ASPA: variants seen among roughly 807,000 people sequenced by gnomAD.
The protein encoded by ASPA is aspartoacylase.
Under a neutral mutation model 29.6 loss-of-function variants are expected in ASPA, and 25 were observed. The ratio of observed to expected loss-of-function variants is 0.85; its 90% CI spans 0.62 to 1.18. ASPA has a LOEUF of 1.18. Among genes scored for constraint, ASPA ranks in the 50% most tolerant of loss-of-function variants. The probability of loss-of-function intolerance (pLI) is 0.00; values close to 1 mark genes in which losing one functional copy is unlikely to be tolerated. For synonymous variants in ASPA, 131 were observed against 130.3 expected, an observed-to-expected ratio of 1.01 and a Z score of -0.04; for missense variants, 333 against 385.7, an observed-to-expected ratio of 0.86 and a Z score of 1.14.
intron 5 of ASPA, 107 bp from the exon 6 acceptor site, chr17:3,498,784 T>C: frequency 8.7e-7 from 1 of 1,150,818 alleles, no homozygotes. Context: ...AAGTATCTCT[T>C]TTAAAACAAC....
intron 4 of ASPA, among the ~76,000 whole-genome samples, chr17:3,491,621 G>A (rs532356469): frequency 1.3e-5 from 2 of 152,030 alleles, no homozygotes; most frequent in Admixed American, 6.6e-5. Context: ...GGTGGCATGC[G>A]CCTATAATTC....
chr17:3,489,203 A>T, intron 3 of ASPA, 32 bp from the exon 4 acceptor site: 2 of 1,269,448 alleles, frequency 1.6e-6, no homozygotes, highest in Non-Finnish European at 2.3e-6. Flanking sequence ...TCATACTTAT[A>T]TAAATGTGAC....
intron 2 of ASPA, among the ~76,000 whole-genome samples, chr17:3,483,052 T>C (rs1178580530): frequency 6.7e-6 from 1 of 150,284 alleles, no homozygotes; most frequent in Non-Finnish European, 1.5e-5. Flanking sequence ...GAGGCCTGTC[T>C]TCAATTTTCA....
chr17:3,496,002 G>C (rs370922681), intron 5 of ASPA, among the ~76,000 whole-genome samples: 5 of 152,200 alleles, frequency 3.3e-5, no homozygotes, highest in African/African-American at 1.2e-4. Flanking sequence ...GGATTTTTCA[G>C]GTTTTAGGAT....
rs139449496 is a variant in ASPA, at chr17:3,483,203, A to G, written c.433-296A>G. ...TGATGAAACAAAAATCACCACATCC[A>G]TTAAGAAAGAACATTTATTTCATGT... On this transcript the variant is annotated intron_variant, in intron 2 of 5. Coordinates refer to ENST00000263080, the MANE Select transcript of ASPA (RefSeq NM_000049.4). Among the ~76,000 whole-genome samples the G allele has an allele frequency of 3.6e-3, 551 of 152,246 alleles. 5 individuals are homozygous for G. The highest frequency in any genetic ancestry group is 0.012 in the African/African-American group (503 of 41,552).
At chr17:3,497,246 G>C (rs1478577861) in intron 5 of ASPA, among the ~76,000 whole-genome samples, 1 of 152,128 alleles carries the variant, frequency 6.6e-6, no homozygotes, top group South Asian at 2.1e-4. Flanking sequence ...GTGTTGAAGA[G>C]GTTCCTTTAG....
At chr17:3,493,575 A>AAT (rs1328956421) in intron 4 of ASPA, among the ~76,000 whole-genome samples, 1 of 151,104 alleles carries the variant, frequency 6.6e-6, no homozygotes, top group Non-Finnish European at 1.5e-5. Flanking sequence ...AAAAAAAAAA[A>AAT]AAAAAAAAGG....
rs548128517 is a variant in ASPA, at chr17:3,478,080, G to T, written c.236+1685G>T. Among the ~76,000 whole-genome samples the T allele has an allele frequency of 2.0e-5, 3 of 152,224 alleles. No individual in the cohort carries two copies. In the South Asian group the frequency reaches 6.2e-4, roughly 32 times the overall value. On this transcript the variant is annotated intron_variant, in intron 1 of 5. Coordinates refer to ENST00000263080, the MANE Select transcript of ASPA (RefSeq NM_000049.4). ...GGCACCTGTAGTCCCAGCTATTCGGGAGACTGAGGCAGGAGAATGGCGTGA... is the reference window on the plus strand; with the variant it reads ...GGCACCTGTAGTCCCAGCTATTCGGTAGACTGAGGCAGGAGAATGGCGTGA...
chr17:3,496,056 G>A (rs1036035781), intron 5 of ASPA, among the ~76,000 whole-genome samples: 1 of 152,232 alleles, frequency 6.6e-6, no homozygotes, highest in African/African-American at 2.4e-5. Flanking sequence ...ACGGAGAAGT[G>A]AGATGAATGA....
chr17:3,477,498 G>A (rs1254067567), intron 1 of ASPA, among the ~76,000 whole-genome samples: 1 of 152,082 alleles, frequency 6.6e-6, no homozygotes, highest in Non-Finnish European at 1.5e-5. Flanking sequence ...TTGTTGCCCA[G>A]TCTGGAGTGC....
chr17:3,477,161 AT>A (rs2073539248), intron 1 of ASPA, among the ~76,000 whole-genome samples: 1 of 152,136 alleles, frequency 6.6e-6, no homozygotes, highest in African/African-American at 2.4e-5. Context: ...TCTCAAAAAA[AT>A]AAATAAATAA....
At position 3,488,598 on chromosome 17, in the gene ASPA, A is replaced by G. The variant is rs1287927615; in HGVS notation, c.527-637A>G. ...CTTGAACCTGGGAGGCAGAGGTTGC[A>G]GTGAGCAGAAATCACACCACTGTAC... On this transcript the variant is annotated intron_variant, in intron 3 of 5. Coordinates refer to ENST00000263080, the MANE Select transcript of ASPA (RefSeq NM_000049.4). The surrounding 1 kb of genome is among the most constrained non-coding windows in gnomAD (Gnocchi z 6.1). Among the ~76,000 whole-genome samples, 1 of 152,212 alleles carries G rather than the reference A, an allele frequency of 6.6e-6. No homozygotes were observed. The highest frequency in any genetic ancestry group is 1.5e-5 in the Non-Finnish European group (1 of 68,038).
intron 3 of ASPA, among the ~76,000 whole-genome samples, chr17:3,487,063 TGTGTGTGTGC>T (rs1367382689): frequency 7.1e-6 from 1 of 140,212 alleles, no homozygotes; most frequent in Non-Finnish European, 1.5e-5. Context: ...TGTGTTTATG[TGTGTGTGTGC>T]GTGTGTGTGT....
chr17:3,484,601 A>G (rs1236709134), intron 3 of ASPA, among the ~76,000 whole-genome samples: 2 of 152,244 alleles, frequency 1.3e-5, no homozygotes, highest in African/African-American at 2.4e-5. Flanking sequence ...ATGAAAGGCC[A>G]TTGCTGATTT....
intron 1 of ASPA, among the ~76,000 whole-genome samples, chr17:3,480,265 T>G (rs73977738): frequency 0.019 from 2,905 of 152,326 alleles, 99 homozygotes; most frequent in African/African-American, 0.065. Context: ...GGAACTGCAA[T>G]AAAGAGTTTA....
intron 1 of ASPA, among the ~76,000 whole-genome samples, chr17:3,478,184 CAAAA>C (rs1015063984): frequency 7.2e-6 from 1 of 139,112 alleles, no homozygotes; most frequent in African/African-American, 2.7e-5. Flanking sequence ...GACTCCGTCT[CAAAA>C]AAAAAAATAT....
intron 1 of ASPA, among the ~76,000 whole-genome samples, chr17:3,479,009 G>A (rs1396382966): frequency 6.6e-6 from 1 of 152,182 alleles, no homozygotes; most frequent in Non-Finnish European, 1.5e-5. Context: ...GGGTCTCTCT[G>A]CATCCAGACT....
chr17:3,493,215 C>G (rs1419478235), intron 4 of ASPA, among the ~76,000 whole-genome samples: 1 of 152,176 alleles, frequency 6.6e-6, no homozygotes, highest in Non-Finnish European at 1.5e-5. Context: ...GGCAGGCTGC[C>G]TGCATCACAA....
At chr17:3,489,765 G>A (rs2073791244) in intron 4 of ASPA, among the ~76,000 whole-genome samples, 1 of 152,178 alleles carries the variant, frequency 6.6e-6, no homozygotes, top group Non-Finnish European at 1.5e-5. Context: ...GAACATATAA[G>A]TGAACATATA....
Sources: allele counts gnomAD v4.1 joint callset (sites outside exome capture counted in the v4.1 genomes callset), GRCh38; gene constraint gnomAD v4.1.1; non-coding constraint Gnocchi (gnomAD v3.1); transcripts MANE v1.5; gene names NCBI Gene and HGNC (gene_info 2026-07-23, HGNC 2026-07-21).